The following TRAPPC8 variants were observed in gnomAD, a reference collection of about 807,000 sequenced individuals.
The protein encoded by TRAPPC8 is trafficking protein particle complex subunit 8.
TRAPPC8 carries 54 observed loss-of-function variants against 174.3 expected under a neutral mutation model. The observed-to-expected ratio is 0.31, with a 90% confidence interval of 0.25 to 0.39. The LOEUF (loss-of-function observed/expected upper bound fraction) is 0.39, where lower values mean the gene tolerates loss of function less well. Ranked by LOEUF, TRAPPC8 falls within the 10% of genes least tolerant of loss-of-function variation. TRAPPC8 has a pLI of 1.00. For synonymous variants in TRAPPC8, 630 were observed against 579.9 expected (o/e 1.09, Z -1.24); for missense variants, 1,531 against 1,699.1 (o/e 0.90, Z 1.74).
chr18:31,839,596 T>C (rs2032975870), intron 26 of TRAPPC8, 139 bp from the exon 27 acceptor site: 2 of 664,822 alleles, frequency 3.0e-6, no homozygotes, highest in Non-Finnish European at 4.5e-6. Flanking sequence ...GCTGTTAAGC[T>C]AATAGCTGCT....
chr18:31,850,728 T>C (rs1420373850), intron 24 of TRAPPC8, among the ~76,000 whole-genome samples: 5 of 152,216 alleles, frequency 3.3e-5, no homozygotes, highest in African/African-American at 1.2e-4. Flanking sequence ...CCCATAGTTT[T>C]CTCATTAATC....
intron 27 of TRAPPC8, among the ~76,000 whole-genome samples, chr18:31,836,227 A>G (rs2032710909): frequency 6.6e-6 from 1 of 152,216 alleles, no homozygotes; most frequent in Admixed American, 6.5e-5. Flanking sequence ...AGAAATTCCC[A>G]AATGATTCTA....
chr18:31,902,267 G>GT (rs1312573465), intron 9 of TRAPPC8, among the ~76,000 whole-genome samples: 35 of 152,332 alleles, frequency 2.3e-4, no homozygotes, highest in African/African-American at 8.2e-4. Flanking sequence ...GGAAGCGGGG[G>GT]TTGCACTGAG....
Position 31,830,784 on chromosome 18 carries a change from G to T in TRAPPC8, c.4279C>A (p.Pro1427Thr). The change falls in exon 29 of 29, where the codon CCT (proline) becomes ACT (threonine). Residue 1427 changes from proline (P) to threonine (T), a missense_variant. Pro to Thr is a conservative substitution (Grantham distance 38). Transcript: ENST00000283351. Reference sequence around the variant, plus strand: ...ACATTACTGATGATGATCAGGGCAGGCATGGAATTCTGCTGACTTGTTTCA... The same window carrying T: ...ACATTACTGATGATGATCAGGGCAGTCATGGAATTCTGCTGACTTGTTTCA... ...VFETSQQNSM[P>T]ALIIISNV 6.2e-7 allele frequency: 1 copy of T among 1,614,108 alleles called. No homozygotes were observed. The highest frequency in any genetic ancestry group is 1.1e-5 in the South Asian group (1 of 91,062).
At chr18:31,917,721 A>G (rs1345111245) in intron 2 of TRAPPC8, 54 bp from the exon 3 acceptor site, 5 of 1,506,614 alleles carry the variant, frequency 3.3e-6, no homozygotes, top group South Asian at 1.2e-5. Context: ...ATCAGTTTAC[A>G]ACAGACAAAA....
intron 1 of TRAPPC8, among the ~76,000 whole-genome samples, chr18:31,941,823 A>G (rs944942653): frequency 6.6e-6 from 1 of 152,242 alleles, no homozygotes; most frequent in African/African-American, 2.4e-5. Flanking sequence ...ATATTGGCTA[A>G]AACATGCTTG....
At chr18:31,905,678 C>T (rs1337738754) in intron 9 of TRAPPC8, among the ~76,000 whole-genome samples, 3 of 152,036 alleles carry the variant, frequency 2.0e-5, no homozygotes, top group Admixed American at 2.0e-4. Context: ...GAAGACTAAC[C>T]CAGTCTAACT....
intron 12 of TRAPPC8, among the ~76,000 whole-genome samples, chr18:31,885,868 C>A (rs528124385): frequency 6.6e-6 from 1 of 150,740 alleles, no homozygotes; most frequent in African/African-American, 2.4e-5. Flanking sequence ...CTCAAAAAAA[C>A]GAAAAATAAG....
chr18:31,916,047 A>T (rs1340628812), intron 4 of TRAPPC8, among the ~76,000 whole-genome samples: 10 of 144,372 alleles, frequency 6.9e-5, no homozygotes, highest in Middle Eastern at 3.3e-3. Flanking sequence ...ACAGGGCAAG[A>T]CCTCGTCTCA....
intron 2 of TRAPPC8, chr18:31,926,346 A>C (rs1050620345): frequency 6.6e-6 from 1 of 152,164 alleles, no homozygotes; most frequent in Non-Finnish European, 1.5e-5. Flanking sequence ...AACAATAGAG[A>C]TTTCTTGAAG....
intron 4 of TRAPPC8, 42 bp downstream of exon 4, chr18:31,916,230 T>A: frequency 7.3e-7 from 1 of 1,379,234 alleles, no homozygotes; most frequent in Non-Finnish European, 9.6e-7. Flanking sequence ...TAATGTTAAA[T>A]CATTTAACTG....
chr18:31,914,529 A>G (rs2037051705), intron 4 of TRAPPC8, among the ~76,000 whole-genome samples: 1 of 152,248 alleles, frequency 6.6e-6, no homozygotes, highest in African/African-American at 2.4e-5. Flanking sequence ...CTATTAATAT[A>G]GTAGTACACC....
chr18:31,843,222 C>T (rs1216872625), intron 26 of TRAPPC8, among the ~76,000 whole-genome samples: 1 of 152,096 alleles, frequency 6.6e-6, no homozygotes, highest in Non-Finnish European at 1.5e-5. Context: ...CTTTTTATAA[C>T]AACCATTCAA....
rs1598567325 is a variant in TRAPPC8, at chr18:31,829,333, T to G, written c.*1422A>C. 1 of 152,220 alleles carries G rather than the reference T, an allele frequency of 6.6e-6. No homozygotes were observed. The highest frequency in any genetic ancestry group is 1.5e-5 in the Non-Finnish European group (1 of 68,030). The allele number at this position is 152,220 out of a possible 1,614,324, so 9.4% of individuals were successfully genotyped here. On this transcript the variant is annotated 3_prime_UTR_variant, in exon 29 of 29. Transcript: ENST00000283351. Reference sequence around the variant, plus strand: ...GTGGTTTAAATATGAGATACCACTGTGATTATGCCTCCTCATTCTTGTCTT... The same window carrying G: ...GTGGTTTAAATATGAGATACCACTGGGATTATGCCTCCTCATTCTTGTCTT...
intron 12 of TRAPPC8, among the ~76,000 whole-genome samples, chr18:31,887,679 T>A (rs1454560487): frequency 6.6e-6 from 1 of 151,758 alleles, no homozygotes; most frequent in Non-Finnish European, 1.5e-5. Flanking sequence ...AAGAGCCATT[T>A]ACGACAAACC....
intron 1 of TRAPPC8, among the ~76,000 whole-genome samples, chr18:31,933,193 T>C (rs181986464): frequency 0.013 from 1,928 of 145,422 alleles, 26 homozygotes; most frequent in South Asian, 0.033. Context: ...CCCAGCTACT[T>C]GGGAGGCTGA....
chr18:31,936,748 G>A (rs185969992), intron 1 of TRAPPC8, among the ~76,000 whole-genome samples: 40 of 149,794 alleles, frequency 2.7e-4, no homozygotes, highest in Admixed American at 1.5e-3. Flanking sequence ...CTAACAACAC[G>A]AAAATTAGCC....
intron 5 of TRAPPC8, among the ~76,000 whole-genome samples, chr18:31,913,127 CAA>C (rs879272748): frequency 1.6e-5 from 2 of 123,368 alleles, no homozygotes; most frequent in African/African-American, 3.0e-5. Flanking sequence ...GACTCTGTCT[CAA>C]AAAAAAAAAA....
chr18:31,920,945 CAAAAAAAAAAAA>C (rs71177808), intron 2 of TRAPPC8, among the ~76,000 whole-genome samples: 1 of 76,900 alleles, frequency 1.3e-5, no homozygotes, highest in African/African-American at 4.7e-5. Flanking sequence ...CACTCCGTCT[CAAAAAAAAAAAA>C]AAAAAAAAAA....
Sources: gnomAD v4.1 joint callset for allele counts (sites outside exome capture counted in the v4.1 genomes callset) on GRCh38, gnomAD v4.1.1 for gene constraint, MANE v1.5 for transcripts, NCBI Gene and HGNC (gene_info 2026-07-23, HGNC 2026-07-21) for gene names.